Variants in USP46 observed in about 807,000 individuals in gnomAD.
The protein encoded by USP46 is ubiquitin specific peptidase 46.
A neutral mutation model predicts 44.4 loss-of-function variants in USP46; 12 were observed. The ratio of observed to expected loss-of-function variants is 0.27; its 90% CI spans 0.17 to 0.44. The LOEUF (loss-of-function observed/expected upper bound fraction) is 0.44, where lower values mean the gene tolerates loss of function less well. Among genes scored for constraint, USP46 ranks in the 20% least tolerant of loss-of-function variants. USP46 has a pLI of 1.00. For synonymous variants in USP46, 155 were observed against 161.5 expected, an observed-to-expected ratio of 0.96 and a Z score of 0.31; for missense variants, 248 against 444.8, an observed-to-expected ratio of 0.56 and a Z score of 3.98.
chr4:52,597,446 T>C lies in USP46; in HGVS notation c.*194A>G, dbSNP rs556172834. 57 of 535,028 alleles carry C rather than the reference T, an allele frequency of 1.1e-4. No individual in the cohort carries two copies. Among genetic ancestry groups the C allele is most frequent in the Admixed American group, 3.0e-4 (8 of 26,348 alleles). 33.1% of individuals were successfully genotyped at this position (535,028 alleles called of 1,614,324 possible). On this transcript the variant is annotated 3_prime_UTR_variant, in exon 9 of 9. Coordinates refer to ENST00000441222, the MANE Select transcript of USP46 (RefSeq NM_022832.4). ...TACAATCTGATTGCAGTTAACTCTATGTCAGACTGAAATAAAACCAAGAGT... is the reference window on the plus strand; with the variant it reads ...TACAATCTGATTGCAGTTAACTCTACGTCAGACTGAAATAAAACCAAGAGT...
At chr4:52,641,917 A>G (rs749403876) in intron 1 of USP46, among the ~76,000 whole-genome samples, 6 of 152,246 alleles carry the variant, frequency 3.9e-5, no homozygotes, top group Non-Finnish European at 7.3e-5. Context: ...ATTAAAGTGG[A>G]TGACAGAAGA....
At chr4:52,651,550 C>T (rs1718772104) in intron 1 of USP46, among the ~76,000 whole-genome samples, 1 of 152,106 alleles carries the variant, frequency 6.6e-6, no homozygotes, top group Non-Finnish European at 1.5e-5. Context: ...ATATTTAAGA[C>T]AGTAATTCCA....
intron 1 of USP46, among the ~76,000 whole-genome samples, chr4:52,639,371 A>G: frequency 6.6e-6 from 1 of 152,222 alleles, no homozygotes; most frequent in East Asian, 1.9e-4. Context: ...TGGGCCTGAT[A>G]CAGCTGCTCT....
Position 52,593,426 on chromosome 4 carries a change from A to G in USP46, c.*4214T>C, listed in dbSNP as rs567936762. ...AGATGGACAGCAGCTGGGAGACTCA[A>G]CACTTACTGGCACATTCCCTGCTCT... On this transcript the variant is annotated 3_prime_UTR_variant, in exon 9 of 9. Coordinates refer to ENST00000441222, the MANE Select transcript of USP46 (RefSeq NM_022832.4). 6.5e-6 allele frequency: 1 copy of G among 152,892 alleles called. No individual in the cohort carries two copies. Among genetic ancestry groups the G allele is most frequent in the African/African-American group, 2.4e-5 (1 of 41,598 alleles). The allele number at this position is 152,892 out of a possible 1,614,324, so 9.5% of individuals were successfully genotyped here. A position where few individuals can be genotyped will look rare whatever the true frequency, so the allele number is the denominator to read the frequency against.
intron 1 of USP46, among the ~76,000 whole-genome samples, chr4:52,638,296 G>C (rs1244056060): frequency 6.6e-6 from 1 of 152,044 alleles, no homozygotes; most frequent in African/African-American, 2.4e-5. Flanking sequence ...GCCTTGAAGA[G>C]GGAAGAAGGA....
intron 5 of USP46, among the ~76,000 whole-genome samples, chr4:52,607,764 C>G (rs1170863013): frequency 6.6e-6 from 1 of 152,152 alleles, no homozygotes. Flanking sequence ...CCTCCTCCAA[C>G]CCCTGGCTTC....
intron 1 of USP46, among the ~76,000 whole-genome samples, chr4:52,635,012 G>A (rs1325099133): frequency 1.3e-5 from 2 of 151,362 alleles, no homozygotes; most frequent in African/African-American, 2.4e-5. Flanking sequence ...CCATCACCCT[G>A]AAATCCTCAA....
chr4:52,657,196 T>C (rs1718986372), intron 1 of USP46, among the ~76,000 whole-genome samples: 1 of 152,106 alleles, frequency 6.6e-6, no homozygotes, highest in South Asian at 2.1e-4. Flanking sequence ...TGGGTGATGG[T>C]CCTAAATTTG....
At chr4:52,614,215 T>G (rs1717039371) in intron 4 of USP46, among the ~76,000 whole-genome samples, 1 of 152,020 alleles carries the variant, frequency 6.6e-6, no homozygotes, top group Non-Finnish European at 1.5e-5. Context: ...ATAATCAGAG[T>G]CCTAGAAGGG....
At chr4:52,627,534 C>G (rs749350808) in intron 3 of USP46, among the ~76,000 whole-genome samples, 2 of 152,200 alleles carry the variant, frequency 1.3e-5, no homozygotes, top group Non-Finnish European at 2.9e-5. Context: ...TTTAAAACAG[C>G]AGAGGCTCTG....
chr4:52,602,039 CT>C lies in USP46; in HGVS notation c.737del (p.Lys246SerfsTer4). 6.2e-7 allele frequency: 1 copy of C among 1,611,782 alleles called. No homozygotes were observed. Among genetic ancestry groups the C allele is most frequent in the Non-Finnish European group, 8.5e-7 (1 of 1,178,820 alleles). ...QEAQKRMRVK[K>X]LPMILALHLK... ...GGTGCAGGGCCAAGATCATGGGCAG[CT>C]TTTTTACCCTCATCCTAAGAAACCA... On this transcript the variant is annotated frameshift_variant, in exon 7 of 9. Coordinates refer to ENST00000441222, the MANE Select transcript of USP46 (RefSeq NM_022832.4). LOFTEE classifies it high-confidence loss of function.
In USP46 at chr4:52,632,990, A is replaced by AAAGAAAGAAAGGAAAGAAAAGAAAG; in HGVS notation, c.37-1847_37-1846insCTTTCTTTTCTTTCCTTTCTTTCTT. Reference sequence around the variant, plus strand: ...AAAGAAAGAAAGAAAGAAAGAAAAGAAAAGAAAGAAAGAAAGAAAGAAAGA... The same window carrying AAAGAAAGAAAGGAAAGAAAAGAAAG: ...AAAGAAAGAAAGAAAGAAAGAAAAGAAAGAAAGAAAGGAAAGAAAAGAAAGAAAGAAAGAAAGAAAGAAAGAAAGA... On this transcript the variant is annotated intron_variant, in intron 1 of 8. Coordinates refer to ENST00000441222, the MANE Select transcript of USP46 (RefSeq NM_022832.4). Among the ~76,000 whole-genome samples, 6 of 66,346 alleles carry AAAGAAAGAAAGGAAAGAAAAGAAAG rather than the reference A, an allele frequency of 9.0e-5. 1 individual carries two copies. Among genetic ancestry groups the AAAGAAAGAAAGGAAAGAAAAGAAAG allele is most frequent in the African/African-American group, 3.6e-4 (6 of 16,546 alleles). 43.5% of individuals were successfully genotyped at this position (66,346 alleles called of 152,430 possible).
chr4:52,644,613 G>A (rs1231301353), intron 1 of USP46, among the ~76,000 whole-genome samples: 1 of 151,954 alleles, frequency 6.6e-6, no homozygotes, highest in Non-Finnish European at 1.5e-5. Flanking sequence ...CTGATAATCT[G>A]AGGTGGAACG....
intron 5 of USP46, among the ~76,000 whole-genome samples, chr4:52,608,795 G>A (rs1489250934): frequency 6.6e-6 from 1 of 152,160 alleles, no homozygotes; most frequent in African/African-American, 2.4e-5. Flanking sequence ...AATAACCTGG[G>A]GATCTCATCG....
intron 2 of USP46, among the ~76,000 whole-genome samples, chr4:52,630,736 CAAA>C (rs10566870): frequency 1.6e-4 from 15 of 92,272 alleles, no homozygotes; most frequent in Admixed American, 5.6e-4. Flanking sequence ...GACTCTGTCT[CAAA>C]AAAAAAAAAA....
At chr4:52,627,918 G>A (rs1239435493) in intron 3 of USP46, 32 bp downstream of exon 3, 9 of 1,585,316 alleles carry the variant, frequency 5.7e-6, no homozygotes, top group Non-Finnish European at 7.7e-6. Context: ...TTATTTCAGA[G>A]GCTTAAATAC....
intron 4 of USP46, among the ~76,000 whole-genome samples, chr4:52,617,655 CA>C: frequency 6.6e-6 from 1 of 152,244 alleles, no homozygotes; most frequent in South Asian, 2.1e-4. Flanking sequence ...AATTAATGAT[CA>C]AATAATGTGG....
intron 4 of USP46, among the ~76,000 whole-genome samples, chr4:52,620,055 T>A (rs1459518660): frequency 1.3e-5 from 2 of 152,128 alleles, no homozygotes; most frequent in Non-Finnish European, 2.9e-5. Context: ...AATACTACAG[T>A]ATCATCCAAA....
intron 1 of USP46, among the ~76,000 whole-genome samples, chr4:52,645,862 G>A (rs1015721470): frequency 6.6e-6 from 1 of 152,154 alleles, no homozygotes; most frequent in African/African-American, 2.4e-5. Flanking sequence ...ATGATAGTGA[G>A]TGAGTTCTCA....
Sources: allele counts gnomAD v4.1 joint callset (sites outside exome capture counted in the v4.1 genomes callset), GRCh38; gene constraint gnomAD v4.1.1; transcripts MANE v1.5; gene names NCBI Gene and HGNC (gene_info 2026-07-23, HGNC 2026-07-21).